The following ZNF763 variants were observed in gnomAD, a reference collection of about 807,000 sequenced individuals.
ZNF763 encodes zinc finger protein 763, also known as DNA-binding protein.
In ZNF763, 33 loss-of-function variants were observed where a neutral mutation model predicts 38.0. The observed-to-expected ratio is 0.87, with a 90% CI of 0.66 to 1.16. ZNF763 has a LOEUF of 1.16. ZNF763 is among the 50% of genes most tolerant of loss of function. ZNF763 has a pLI of 0.00. For missense variants in ZNF763, 423 were observed against 469.1 expected, an observed-to-expected ratio of 0.90 and a Z score of 0.91; for synonymous variants, 155 against 160.1, an observed-to-expected ratio of 0.97 and a Z score of 0.24.
intron 1 of ZNF763, among the ~76,000 whole-genome samples, chr19:11,971,391 C>T (rs1239378657): frequency 6.6e-6 from 1 of 152,140 alleles, no homozygotes; most frequent in Non-Finnish European, 1.5e-5. Context: ...ACTTCTAATA[C>T]TATAGTGGGG....
chr19:11,966,832 AG>A (rs1973240867), intron 1 of ZNF763, among the ~76,000 whole-genome samples: 1 of 152,124 alleles, frequency 6.6e-6, no homozygotes. Context: ...CAGCTGGAAG[AG>A]TTTATTCAAG....
At chr19:11,969,363 C>T (rs141618031) in intron 1 of ZNF763, among the ~76,000 whole-genome samples, 14 of 152,296 alleles carry the variant, frequency 9.2e-5, no homozygotes, top group African/African-American at 3.1e-4. Context: ...CCTTGGCCTC[C>T]CAAAGTGGTG....
Position 11,979,760 on chromosome 19 carries a change from A to G in ZNF763, c.*651A>G. 6.4e-7 allele frequency: 1 copy of G among 1,558,100 alleles called. No individual in the cohort carries two copies. The highest frequency in any genetic ancestry group is 8.8e-7 in the Non-Finnish European group (1 of 1,138,538). On this transcript the variant is annotated 3_prime_UTR_variant, in exon 4 of 4. Transcript: ENST00000358987. ...CTTCAGATCTGCCCCACACCTTCGA[A>G]TCCATGGTAGAACTCACACTGGAGA... is the stretch of plus-strand genomic sequence containing the variant.
At chr19:11,976,555 C>CAAAAA (rs1197877281) in intron 1 of ZNF763, among the ~76,000 whole-genome samples, 3 of 73,826 alleles carry the variant, frequency 4.1e-5, no homozygotes, top group African/African-American at 1.5e-4. Flanking sequence ...GACTCTGTCT[C>CAAAAA]AAAAAAAAAA....
chr19:11,968,610 A>T (rs1973287968), intron 1 of ZNF763, among the ~76,000 whole-genome samples: 1 of 152,140 alleles, frequency 6.6e-6, no homozygotes, highest in African/African-American at 2.4e-5. Flanking sequence ...TAGCTGGTTT[A>T]TATTTCCTTT....
chr19:11,977,522 A>G lies in ZNF763; in HGVS notation c.191+91A>G, dbSNP rs111482496. 1,727 of 1,451,976 alleles carry G rather than the reference A, an allele frequency of 1.2e-3. 20 individuals carry two copies. In the African/African-American group the frequency reaches 0.023, roughly 19 times the overall value. 89.9% of individuals were successfully genotyped at this position (1,451,976 alleles called of 1,614,324 possible). A position where few individuals can be genotyped will look rare whatever the true frequency, so the allele number is the denominator to read the frequency against. On this transcript the variant is annotated intron_variant, in intron 3 of 3. Coordinates refer to ENST00000358987, the MANE Select transcript of ZNF763 (RefSeq NM_001367172.2). ...AGAAGTAAAACAAAGAACTAAGTCC[A>G]GTATCAAATTCATCTCTTCTTAGAA...
At chr19:11,975,233 G>A (rs971488472) in intron 1 of ZNF763, among the ~76,000 whole-genome samples, 11 of 151,636 alleles carry the variant, frequency 7.3e-5, no homozygotes, top group African/African-American at 2.7e-4. Flanking sequence ...CTGAGTAGCT[G>A]AGATAAAACG....
At position 11,965,275 on chromosome 19, in the gene ZNF763, G is replaced by A. The variant is rs1235271524; in HGVS notation, c.3+64G>A. ...GGCTGCCTGGAACCGGCCGGAACCGGCTGCGGCGGGACCCGGGCCTCCCTG... is the reference window on the plus strand; with the variant it reads ...GGCTGCCTGGAACCGGCCGGAACCGACTGCGGCGGGACCCGGGCCTCCCTG... On this transcript the variant is annotated intron_variant, in intron 1 of 3. Transcript: ENST00000358987. 3.7e-6 allele frequency: 6 copies of A among 1,609,476 alleles called. No homozygotes were observed. In the East Asian group the frequency reaches 6.7e-5, roughly 18 times the overall value.
intron 1 of ZNF763, among the ~76,000 whole-genome samples, chr19:11,974,122 TTTCTTTTCTTTCTTTCTTTC>T (rs1367330235): frequency 1.3e-4 from 8 of 60,224 alleles, no homozygotes; most frequent in African/African-American, 5.0e-4. Context: ...TCTTTCTTTC[TTTCTTTTCTTTCTTTCTTTC>T]TTTCTTTCTT....
At position 11,979,272 on chromosome 19, in the gene ZNF763, C is replaced by G; in HGVS notation, c.*163C>G. On this transcript the variant is annotated 3_prime_UTR_variant, in exon 4 of 4. Coordinates refer to ENST00000358987, the MANE Select transcript of ZNF763 (RefSeq NM_001367172.2). ...AAAGGACTCACACTGGAGAGAAACCCTATGAGTGTAAGCAATGTGGGAAAG... is the reference window on the plus strand; with the variant it reads ...AAAGGACTCACACTGGAGAGAAACCGTATGAGTGTAAGCAATGTGGGAAAG... 6.2e-7 allele frequency: 1 copy of G among 1,612,790 alleles called. No homozygotes were observed. Among genetic ancestry groups the G allele is most frequent in the Non-Finnish European group, 8.5e-7 (1 of 1,179,590 alleles).
intron 1 of ZNF763, 75 bp downstream of exon 1, chr19:11,965,286 AC>A: frequency 6.2e-7 from 1 of 1,602,836 alleles, no homozygotes; most frequent in South Asian, 1.1e-5. Flanking sequence ...CTGCGGCGGG[AC>A]CCGGGCCTCC....
At chr19:11,967,629 TC>T (rs1262680581) in intron 1 of ZNF763, among the ~76,000 whole-genome samples, 1 of 152,064 alleles carries the variant, frequency 6.6e-6, no homozygotes, top group African/African-American at 2.4e-5. Context: ...GGTCTCAATC[TC>T]CTGACCTCGT....
chr19:11,969,992 G>C (rs1390565576), intron 1 of ZNF763, among the ~76,000 whole-genome samples: 6 of 152,188 alleles, frequency 3.9e-5, no homozygotes, highest in Middle Eastern at 6.3e-3. Flanking sequence ...GTCTCCTGGA[G>C]GGTCTCATGG....
At chr19:11,974,402 G>T (rs1973439135) in intron 1 of ZNF763, among the ~76,000 whole-genome samples, 2 of 151,398 alleles carry the variant, frequency 1.3e-5, no homozygotes, top group African/African-American at 2.4e-5. Flanking sequence ...TTACCATGTT[G>T]GCCGGGGTGG....
At chr19:11,965,934 G>T (rs1031529379) in intron 1 of ZNF763, among the ~76,000 whole-genome samples, 7 of 152,174 alleles carry the variant, frequency 4.6e-5, no homozygotes, top group Non-Finnish European at 8.8e-5. Flanking sequence ...GGGTTAGAAG[G>T]CACAGGTGGT....
At chr19:11,971,970 G>C (rs984015627) in intron 1 of ZNF763, among the ~76,000 whole-genome samples, 8 of 151,690 alleles carry the variant, frequency 5.3e-5, no homozygotes, top group Non-Finnish European at 8.8e-5. Flanking sequence ...GATGAGGCAG[G>C]AGAATCGCTT....
At chr19:11,976,632 C>T (rs995733463) in intron 1 of ZNF763, among the ~76,000 whole-genome samples, 24 of 150,784 alleles carry the variant, frequency 1.6e-4, no homozygotes, top group East Asian at 5.8e-4. Flanking sequence ...TTTGGGAGGC[C>T]GAGGCTGGCG....
intron 1 of ZNF763, among the ~76,000 whole-genome samples, chr19:11,967,192 T>C (rs279280): frequency 1 from 151,841 of 152,204 alleles, 75,739 homozygotes; most frequent in Non-Finnish European, 1. Context: ...AAAAATTAAC[T>C]GGGTGTGGTG....
intron 1 of ZNF763, among the ~76,000 whole-genome samples, chr19:11,968,730 T>G (rs1430688525): frequency 1.3e-5 from 2 of 152,074 alleles, no homozygotes. Context: ...AGATCAGTAG[T>G]AGAGAGGGGC....
Sources: gnomAD v4.1 joint callset for allele counts (sites outside exome capture counted in the v4.1 genomes callset) on GRCh38, gnomAD v4.1.1 for gene constraint, MANE v1.5 for transcripts, NCBI Gene and HGNC (gene_info 2026-07-23, HGNC 2026-07-21) for gene names.